SLMAP: variants seen among roughly 807,000 people sequenced by gnomAD.
SLMAP encodes sarcolemma associated protein.
Under a neutral mutation model 128.8 loss-of-function variants are expected in SLMAP, and 44 were observed. The ratio of observed to expected loss-of-function variants is 0.34; its 90% CI spans 0.27 to 0.44. The LOEUF (loss-of-function observed/expected upper bound fraction) is 0.44. SLMAP is among the 20% of genes least tolerant of loss of function. The pLI is 1.00. For missense variants in SLMAP, 787 were observed against 985.3 expected (o/e 0.80, Z 2.69); for synonymous variants, 327 against 348.8 (o/e 0.94, Z 0.70).
chr3:57,881,840 G>A (rs2095752379), intron 14 of SLMAP, among the ~76,000 whole-genome samples: 1 of 152,026 alleles, frequency 6.6e-6, no homozygotes, highest in South Asian at 2.1e-4. Context: ...GGTGATAATA[G>A]CAGCTAATTA....
At chr3:57,835,462 A>C (rs1164177437) in intron 3 of SLMAP, among the ~76,000 whole-genome samples, 1 of 152,186 alleles carries the variant, frequency 6.6e-6, no homozygotes, top group Non-Finnish European at 1.5e-5. Context: ...ATATTAACAA[A>C]TTAAATTCAG....
At chr3:57,863,587 C>T (rs187785974) in intron 10 of SLMAP, among the ~76,000 whole-genome samples, 1 of 152,254 alleles carries the variant, frequency 6.6e-6, no homozygotes, top group African/African-American at 2.4e-5. Flanking sequence ...GGAGCTGGTA[C>T]GTGTTCCATG....
chr3:57,888,446 G>A (rs992818233), intron 14 of SLMAP, among the ~76,000 whole-genome samples: 28 of 151,960 alleles, frequency 1.8e-4, no homozygotes, highest in East Asian at 1.2e-3. Context: ...GTGAAACCCC[G>A]TCTCTACTAA....
At chr3:57,845,435 G>C (rs571007324) in intron 4 of SLMAP, among the ~76,000 whole-genome samples, 2 of 152,182 alleles carry the variant, frequency 1.3e-5, no homozygotes, top group African/African-American at 4.8e-5. Context: ...TTCTTACAGT[G>C]TTTGCAGTTA....
intron 19 of SLMAP, 64 bp downstream of exon 19, chr3:57,909,214 G>A: frequency 8.1e-7 from 1 of 1,235,872 alleles, no homozygotes; most frequent in Non-Finnish European, 1.2e-6. Flanking sequence ...GATTCAAAAG[G>A]AATGGAGGCC....
intron 10 of SLMAP, among the ~76,000 whole-genome samples, chr3:57,863,562 G>A (rs895775185): frequency 6.6e-6 from 1 of 152,176 alleles, no homozygotes; most frequent in African/African-American, 2.4e-5. Context: ...TTCCACTGAT[G>A]GCAGAAAGCA....
chr3:57,916,522 C>G (rs1033604492), intron 21 of SLMAP, among the ~76,000 whole-genome samples: 1 of 152,052 alleles, frequency 6.6e-6, no homozygotes, highest in Non-Finnish European at 1.5e-5. Flanking sequence ...TTTCTGACCC[C>G]CATTCTATTT....
chr3:57,795,318 TCACGAGTTCAGGAG>T (rs1219959876), intron 2 of SLMAP, among the ~76,000 whole-genome samples: 3 of 151,864 alleles, frequency 2.0e-5, no homozygotes, highest in Non-Finnish European at 2.9e-5. Context: ...GGCGGGCGGA[TCACGAGTTCAGGAG>T]TTTGAGACCA....
intron 2 of SLMAP, among the ~76,000 whole-genome samples, chr3:57,826,825 G>A (rs1184604339): frequency 2.0e-5 from 3 of 152,070 alleles, no homozygotes; most frequent in Non-Finnish European, 4.4e-5. Flanking sequence ...AGCTATTTTG[G>A]TGTTGTCCTC....
chr3:57,848,180 C>T (rs1050221219), intron 5 of SLMAP, among the ~76,000 whole-genome samples: 1 of 147,452 alleles, frequency 6.8e-6, no homozygotes, highest in Admixed American at 6.7e-5. Context: ...GCTCCTGCTC[C>T]TCCTCCTCCT....
Position 57,831,417 on chromosome 3 carries a change from C to A in SLMAP, c.233C>A (p.Thr78Asn). 1 of 1,568,464 alleles carries A rather than the reference C, an allele frequency of 6.4e-7. No homozygotes were observed. The highest frequency in any genetic ancestry group is 8.6e-7 in the Non-Finnish European group (1 of 1,158,296). The change falls in exon 3 of 25, where the codon ACT becomes AAT. Residue 78 changes from threonine (T) to asparagine (N), a missense_variant. Physicochemically the swap from Thr to Asn is moderately conservative, Grantham distance 65. Around this residue, in one of 2 missense-constraint regions of SLMAP, gnomAD observed 72 missense variants for 141.8 expected, o/e 0.51. Transcript: ENST00000671191. ...YLQDTKSSNG[T>N]FINSQRLSRG... is the part of the protein sequence containing the mutation. ...CAAGACACTAAAAGTAGTAATGGTA[C>A]TTTTATAAATAGCCAGAGATTGAGT... is the stretch of plus-strand genomic sequence containing the variant.
chr3:57,927,370 G>C lies in SLMAP; in HGVS notation c.*81G>C, dbSNP rs557921655. On this transcript the variant is annotated 3_prime_UTR_variant, in exon 25 of 25. Transcript: ENST00000671191. ...CCATCGTGCTGTACGTGCCAGGTCT[G>C]GCCAGAGCTTCTCCATGAGAGCGTT... 5 of 1,586,812 alleles carry C rather than the reference G, an allele frequency of 3.2e-6. No individual in the cohort carries two copies. The African/African-American group carries it at 6.7e-5, about 21-fold the overall frequency.
In SLMAP at chr3:57,759,709, AG is replaced by A. The variant is rs565308844; in HGVS notation, c.198+1862del. On this transcript the variant is annotated intron_variant, in intron 2 of 24. Coordinates refer to ENST00000671191, the MANE Select transcript of SLMAP (RefSeq NM_001377540.1). ...TCACCATTTTATGTTCTTGGGCAACAGGTCTAAACTAATCAGACAACAGGTT... is the reference window on the plus strand; with the variant it reads ...TCACCATTTTATGTTCTTGGGCAACAGTCTAAACTAATCAGACAACAGGTT... 5.1e-3 allele frequency among the ~76,000 whole-genome samples: 776 copies of A among 152,348 alleles called. 8 individuals carry two copies. Among genetic ancestry groups the A allele is most frequent in the Non-Finnish European group, 6.2e-3 (424 of 68,032 alleles).
rs779733886 is a variant in SLMAP at position 57,925,851 on chromosome 3, A to G, written c.2452A>G (p.Ile818Val). ...LLREKGNNPS[I>V]LQPVPAVFIG... is the part of the protein sequence containing the mutation. Reference sequence around the variant, plus strand: ...TATGCCTTCCCTTCTTTAGCCTTCCATATTACAACCCGTCCCAGCCGTATT... The same window carrying G: ...TATGCCTTCCCTTCTTTAGCCTTCCGTATTACAACCCGTCCCAGCCGTATT... Residue 818 changes from isoleucine to valine, a missense_variant, in exon 24 of 25, where the codon ATA becomes GTA. Ile to Val is a conservative substitution (Grantham distance 29). Transcript: ENST00000671191. The G allele has an allele frequency of 6.4e-6, 10 of 1,550,506 alleles. No homozygotes were observed. The highest frequency in any genetic ancestry group is 1.4e-5 in the African/African-American group (1 of 72,978).
intron 2 of SLMAP, among the ~76,000 whole-genome samples, chr3:57,792,864 G>A (rs933282522): frequency 6.6e-6 from 1 of 152,100 alleles, no homozygotes; most frequent in Admixed American, 6.5e-5. Flanking sequence ...TTGACCGGGT[G>A]CGGTGACTCA....
intron 3 of SLMAP, among the ~76,000 whole-genome samples, chr3:57,837,363 T>G (rs2093686922): frequency 6.6e-6 from 1 of 151,244 alleles, no homozygotes; most frequent in Non-Finnish European, 1.5e-5. Context: ...ATCTATCTTT[T>G]GTTTGTTTGT....
In SLMAP at chr3:57,865,308, T is replaced by TA. The variant is rs1327012106; in HGVS notation, c.1237+19dup. 9.4e-7 allele frequency: 1 copy of TA among 1,065,476 alleles called. No individual in the cohort carries two copies. The allele number at this position is 1,065,476 out of a possible 1,614,324, so 66.0% of individuals were successfully genotyped here. On this transcript the variant is annotated intron_variant, in intron 13 of 24. Coordinates refer to ENST00000671191, the MANE Select transcript of SLMAP (RefSeq NM_001377540.1). ...ACAGAAAAAGGTAGTGTAAAAAACT[T>TA]AAATATATATATACTTTTTATGATA... is the stretch of plus-strand genomic sequence containing the variant.
chr3:57,807,098 G>A (rs1396578093), intron 2 of SLMAP, among the ~76,000 whole-genome samples: 1 of 152,108 alleles, frequency 6.6e-6, no homozygotes, highest in Admixed American at 6.5e-5. Context: ...GTTTTGATTT[G>A]CATTTCTCTG....
At chr3:57,780,007 A>G (rs574818664) in intron 2 of SLMAP, among the ~76,000 whole-genome samples, 2 of 152,166 alleles carry the variant, frequency 1.3e-5, no homozygotes, top group African/African-American at 4.8e-5. Context: ...TTAAAATTTT[A>G]AAAGAGAAAT....
Sources: gnomAD v4.1 joint callset for allele counts (sites outside exome capture counted in the v4.1 genomes callset) on GRCh38, gnomAD v4.1.1 for gene constraint, gnomAD v4.1.1 regional missense constraint, MANE v1.5 for transcripts, NCBI Gene and HGNC (gene_info 2026-07-23, HGNC 2026-07-21) for gene names.